Variants in CAB39 observed in about 807,000 individuals in gnomAD.
CAB39 encodes the protein calcium-binding protein 39.
CAB39 carries 8 observed loss-of-function variants against 40.0 expected under a neutral mutation model. The ratio of observed to expected loss-of-function variants is 0.20; its 90% CI spans 0.12 to 0.36. The LOEUF (loss-of-function observed/expected upper bound fraction) is 0.36, where lower values mean the gene tolerates loss of function less well. Ranked by LOEUF, CAB39 falls within the 10% of genes least tolerant of loss-of-function variation. The probability of loss-of-function intolerance (pLI) is 1.00; values close to 1 mark genes in which losing one functional copy is unlikely to be tolerated. For missense variants in CAB39, 270 were observed against 401.1 expected, an observed-to-expected ratio of 0.67 and a Z score of 2.79; for synonymous variants, 156 against 141.6, an observed-to-expected ratio of 1.10 and a Z score of -0.72.
chr2:230,765,874 G>A (rs533088048), intron 2 of CAB39, among the ~76,000 whole-genome samples: 1 of 152,038 alleles, frequency 6.6e-6, no homozygotes, highest in African/African-American at 2.4e-5. Context: ...AACCAGCATT[G>A]AACAAGAATA....
At chr2:230,759,038 ATGT>A (rs1695243761) in intron 1 of CAB39, among the ~76,000 whole-genome samples, 1 of 152,114 alleles carries the variant, frequency 6.6e-6, no homozygotes, top group African/African-American at 2.4e-5. Context: ...TGTGGTTGAA[ATGT>A]TGTTTTCTAC....
chr2:230,753,350 A>G (rs909523458), intron 1 of CAB39, among the ~76,000 whole-genome samples: 2 of 152,220 alleles, frequency 1.3e-5, no homozygotes, highest in African/African-American at 4.8e-5. Context: ...CTGTCCCCAT[A>G]GCAGGTACGG....
chr2:230,817,041 C>A (rs3792063), intron 7 of CAB39, among the ~76,000 whole-genome samples: 33,907 of 152,158 alleles, frequency 0.22, 4,900 homozygotes, highest in African/African-American at 0.4. Flanking sequence ...AAGAGTAAGC[C>A]GTGACAGTTT....
At chr2:230,814,929 GT>G (rs949070004) in intron 7 of CAB39, among the ~76,000 whole-genome samples, 3 of 152,156 alleles carry the variant, frequency 2.0e-5, no homozygotes, top group African/African-American at 7.2e-5. Flanking sequence ...ATTCCATTCA[GT>G]TTTTTGCCAG....
intron 1 of CAB39, chr2:230,725,374 G>A (rs1425872825): frequency 8.1e-6 from 13 of 1,599,124 alleles, no homozygotes; most frequent in Admixed American, 5.0e-5. Flanking sequence ...GCTCTGCCAC[G>A]AAGTCTCGGT....
At chr2:230,751,530 C>A (rs1444884887) in intron 1 of CAB39, among the ~76,000 whole-genome samples, 1 of 152,110 alleles carries the variant, frequency 6.6e-6, no homozygotes, top group Non-Finnish European at 1.5e-5. Context: ...TGTCACATAA[C>A]GCAAAAGCAG....
rs1159282775 is a variant in CAB39, at chr2:230,820,288, G to A, written c.*1584G>A. ...CTCTTACTAATGGAATTATATACTG[G>A]CCAGTAAAATGGGCCTCCCAATTGC... On this transcript the variant is annotated 3_prime_UTR_variant, in exon 9 of 9. Coordinates refer to ENST00000258418, the MANE Select transcript of CAB39 (RefSeq NM_016289.4). The A allele has an allele frequency of 6.6e-6, 1 of 152,158 alleles. No individual in the cohort carries two copies. Among genetic ancestry groups the A allele is most frequent in the East Asian group, 1.9e-4 (1 of 5,202 alleles). 9.4% of individuals were successfully genotyped at this position (152,158 alleles called of 1,614,324 possible). A position where few individuals can be genotyped will look rare whatever the true frequency, so the allele number is the denominator to read the frequency against.
At chr2:230,732,891 G>T (rs567663849) in intron 1 of CAB39, among the ~76,000 whole-genome samples, 1 of 152,156 alleles carries the variant, frequency 6.6e-6, no homozygotes, top group Non-Finnish European at 1.5e-5. Flanking sequence ...TAAATCTTGA[G>T]AATTGTAGAT....
chr2:230,750,998 C>T (rs1431626231), intron 1 of CAB39, among the ~76,000 whole-genome samples: 1 of 152,204 alleles, frequency 6.6e-6, no homozygotes, highest in Non-Finnish European at 1.5e-5. Context: ...TAGTCTAGCA[C>T]TTAACACAGT....
At chr2:230,771,790 C>G (rs80094107) in intron 2 of CAB39, among the ~76,000 whole-genome samples, 38 of 152,130 alleles carry the variant, frequency 2.5e-4, no homozygotes, top group African/African-American at 9.2e-4. Context: ...AGAAATAGAC[C>G]TACACATGTA....
At chr2:230,721,529 C>G (rs1053560035) in intron 1 of CAB39, among the ~76,000 whole-genome samples, 1 of 152,158 alleles carries the variant, frequency 6.6e-6, no homozygotes, top group Non-Finnish European at 1.5e-5. Context: ...TATATTTGTG[C>G]TTATTTGAAA....
chr2:230,794,378 A>G (rs1428071563), intron 4 of CAB39, among the ~76,000 whole-genome samples: 1 of 152,176 alleles, frequency 6.6e-6, no homozygotes, highest in African/African-American at 2.4e-5. Context: ...GTATGTAAAA[A>G]CATGTAGTGA....
intron 2 of CAB39, among the ~76,000 whole-genome samples, chr2:230,778,707 A>G (rs1404888705): frequency 6.6e-6 from 1 of 152,184 alleles, no homozygotes; most frequent in Non-Finnish European, 1.5e-5. Flanking sequence ...TAAAAATTTG[A>G]AGTCCTGTTA....
chr2:230,731,648 G>A lies in CAB39; in HGVS notation c.-44+18418G>A, dbSNP rs191668574. 2.6e-4 allele frequency among the ~76,000 whole-genome samples: 39 copies of A among 152,202 alleles called. No individual in the cohort carries two copies. In the East Asian group the frequency reaches 6.9e-3, roughly 27 times the overall value. Reference sequence around the variant, plus strand: ...CTCTCAAGTAGCTAGGACTACAGACGAGCACCTGCACACCTAATTTTTAAA... The same window carrying A: ...CTCTCAAGTAGCTAGGACTACAGACAAGCACCTGCACACCTAATTTTTAAA... On this transcript the variant is annotated intron_variant, in intron 1 of 8. Transcript: ENST00000258418.
In CAB39 at chr2:230,820,530, G is replaced by A. The variant is rs1399809462; in HGVS notation, c.*1826G>A. ...AAGGAAGACTTGGCCGTGATGTGGT[G>A]TCCTGGCTTTGTGGTGTAGTGCTGT... On this transcript the variant is annotated 3_prime_UTR_variant, in exon 9 of 9. Coordinates refer to ENST00000258418, the MANE Select transcript of CAB39 (RefSeq NM_016289.4). 6.6e-6 allele frequency: 1 copy of A among 152,296 alleles called. No homozygotes were observed. Among genetic ancestry groups the A allele is most frequent in the Non-Finnish European group, 1.5e-5 (1 of 68,040 alleles). The allele number at this position is 152,296 out of a possible 1,614,324, so 9.4% of individuals were successfully genotyped here. A position where few individuals can be genotyped will look rare whatever the true frequency, so the allele number is the denominator to read the frequency against.
intron 1 of CAB39, among the ~76,000 whole-genome samples, chr2:230,718,069 C>T (rs1694382801): frequency 6.6e-6 from 1 of 152,120 alleles, no homozygotes; most frequent in Non-Finnish European, 1.5e-5. Flanking sequence ...TATTCATATG[C>T]ATGTTTCAAA....
intron 5 of CAB39, among the ~76,000 whole-genome samples, chr2:230,802,760 T>C (rs959505616): frequency 4.6e-5 from 7 of 152,094 alleles, no homozygotes; most frequent in Non-Finnish European, 1.0e-4. Context: ...ATTGAGGCAA[T>C]CATTAAAAGA....
intron 4 of CAB39, among the ~76,000 whole-genome samples, chr2:230,797,135 A>G (rs190964020): frequency 2.6e-5 from 4 of 152,330 alleles, no homozygotes; most frequent in East Asian, 1.9e-4. Flanking sequence ...ATCATTTCCA[A>G]TTGTCCAGGT....
chr2:230,742,896 G>T (rs1381203198), intron 1 of CAB39, among the ~76,000 whole-genome samples: 1 of 152,098 alleles, frequency 6.6e-6, no homozygotes, highest in Admixed American at 6.6e-5. Context: ...TGTGTAAATT[G>T]GCCTAAGTTT....
Sources: allele counts gnomAD v4.1 joint callset (sites outside exome capture counted in the v4.1 genomes callset), GRCh38; gene constraint gnomAD v4.1.1; transcripts MANE v1.5; gene names NCBI Gene and HGNC (gene_info 2026-07-23, HGNC 2026-07-21).